Variants in GRIK3 observed in about 807,000 individuals in gnomAD.
The protein encoded by GRIK3 is glutamate ionotropic receptor kainate type subunit 3, also known as glutamate receptor ionotropic, kainate 3.
GRIK3 carries 29 observed loss-of-function variants against 102.5 expected under a neutral mutation model. That is an observed-to-expected ratio of 0.28 (90% CI 0.21 to 0.39). The LOEUF is 0.39. GRIK3 is among the 10% of genes least tolerant of loss of function. The pLI is 1.00. For missense variants in GRIK3, 908 were observed against 1,252.4 expected (o/e 0.73, Z 4.15); for synonymous variants, 511 against 504.9 (o/e 1.01, Z -0.16).
At chr1:36,953,199 C>A (rs1391955568) in intron 1 of GRIK3, among the ~76,000 whole-genome samples, 2 of 152,224 alleles carry the variant, frequency 1.3e-5, no homozygotes, top group Admixed American at 6.5e-5. Context: ...CCTCCCCCTG[C>A]CCCTGCCTCA....
At position 36,801,879 on chromosome 1, in the gene GRIK3, C is replaced by T; in HGVS notation, c.2732G>A (p.Ser911Asn). ...GGGGAACACAGGGGCTAAGGATGTG[C>T]TGCAGGCCATGCTGTCCTTGCCGGG... is the stretch of plus-strand genomic sequence containing the variant. ...RLPGKDSMAC[S>N]TSLAPVFP The change falls in exon 16 of 16, where the codon AGC becomes AAC. Residue 911 changes from serine (S) to asparagine (N), a missense_variant. By Grantham distance (46) the Ser-to-Asn change is conservative. Coordinates refer to ENST00000373091, the MANE Select transcript of GRIK3 (RefSeq NM_000831.4). 2 of 1,611,216 alleles carry T rather than the reference C, an allele frequency of 1.2e-6. No individual in the cohort carries two copies. Among genetic ancestry groups the T allele is most frequent in the Non-Finnish European group, 1.7e-6 (2 of 1,178,540 alleles).
chr1:37,026,649 T>C (rs542779914), intron 1 of GRIK3, among the ~76,000 whole-genome samples: 1 of 152,286 alleles, frequency 6.6e-6, no homozygotes, highest in South Asian at 2.1e-4. Flanking sequence ...AGGTCAACAA[T>C]AGCTGCACGT....
chr1:36,926,389 G>T (rs954143791), intron 1 of GRIK3, among the ~76,000 whole-genome samples: 2 of 149,818 alleles, frequency 1.3e-5, no homozygotes, highest in South Asian at 4.3e-4. Context: ...TCCCCTCTAC[G>T]CCCCACTTTT....
At chr1:37,024,151 C>G (rs1220439016) in intron 1 of GRIK3, among the ~76,000 whole-genome samples, 1 of 152,190 alleles carries the variant, frequency 6.6e-6, no homozygotes, top group African/African-American at 2.4e-5. Flanking sequence ...AAGCTGAGAT[C>G]TGAGGAGGTG....
At chr1:36,835,698 G>A (rs1466369768) in intron 10 of GRIK3, among the ~76,000 whole-genome samples, 1 of 152,172 alleles carries the variant, frequency 6.6e-6, no homozygotes, top group African/African-American at 2.4e-5. Context: ...CCTCAGCAGG[G>A]GAGCTTGCAT....
chr1:36,903,827 T>G (rs1466452752), intron 1 of GRIK3, among the ~76,000 whole-genome samples: 2 of 152,128 alleles, frequency 1.3e-5, no homozygotes, highest in Non-Finnish European at 2.9e-5. Flanking sequence ...GAGAGATGCA[T>G]TGGTAAAAAC....
At chr1:36,812,643 A>G (rs940752524) in intron 13 of GRIK3, among the ~76,000 whole-genome samples, 9 of 152,190 alleles carry the variant, frequency 5.9e-5, no homozygotes, top group African/African-American at 2.2e-4. Context: ...TTCCTCTGGA[A>G]TGATGGGTCT....
chr1:36,885,990 C>T (rs1157262412), intron 2 of GRIK3, among the ~76,000 whole-genome samples: 1 of 152,142 alleles, frequency 6.6e-6, no homozygotes, highest in Non-Finnish European at 1.5e-5. Flanking sequence ...AATTGAGCAG[C>T]CCAGAGAATA....
chr1:36,983,180 G>T (rs181848437), intron 1 of GRIK3, among the ~76,000 whole-genome samples: 1 of 152,112 alleles, frequency 6.6e-6, no homozygotes, highest in Non-Finnish European at 1.5e-5. Context: ...AGGACTGCCT[G>T]TGCTACTGGA....
At chr1:37,017,112 C>T (rs998325653) in intron 1 of GRIK3, among the ~76,000 whole-genome samples, 1 of 151,162 alleles carries the variant, frequency 6.6e-6, no homozygotes, top group East Asian at 1.9e-4. Context: ...CTACTTGGGA[C>T]AGCTGAGGGG....
intron 1 of GRIK3, among the ~76,000 whole-genome samples, chr1:36,948,194 A>G (rs1641805745): frequency 6.6e-6 from 1 of 152,208 alleles, no homozygotes; most frequent in Non-Finnish European, 1.5e-5. Flanking sequence ...CAGTGAAGAG[A>G]GAAGGAAAAC....
At chr1:37,022,664 T>C (rs1642727217) in intron 1 of GRIK3, among the ~76,000 whole-genome samples, 1 of 152,206 alleles carries the variant, frequency 6.6e-6, no homozygotes, top group African/African-American at 2.4e-5. Context: ...TCTAACAACA[T>C]CCTTCATAAA....
chr1:36,914,063 G>A (rs1420249790), intron 1 of GRIK3, among the ~76,000 whole-genome samples: 1 of 152,230 alleles, frequency 6.6e-6, no homozygotes, highest in African/African-American at 2.4e-5. Context: ...TTACCAGGGA[G>A]GTCCCACACT....
In GRIK3 at chr1:36,949,574, C is replaced by CTTTTTTTTTTT. The variant is rs60157852; in HGVS notation, c.116-58489_116-58479dup. Among the ~76,000 whole-genome samples the CTTTTTTTTTTT allele has an allele frequency of 8.7e-4, 87 of 99,676 alleles. 1 individual carries two copies. Among genetic ancestry groups the CTTTTTTTTTTT allele is most frequent in the African/African-American group, 2.0e-3 (50 of 25,428 alleles). The allele number at this position is 99,676 out of a possible 152,430, so 65.4% of individuals were successfully genotyped here. A position where few individuals can be genotyped will look rare whatever the true frequency, so the allele number is the denominator to read the frequency against. ...TTTTTTTCTTTCTCTCTCTCTCTTT[C>CTTTTTTTTTTT]TTTTTTTTTTTTTTTTTTTTTTTGA... On this transcript the variant is annotated intron_variant, in intron 1 of 15. Coordinates refer to ENST00000373091, the MANE Select transcript of GRIK3 (RefSeq NM_000831.4).
At chr1:36,919,731 C>A (rs1374112133) in intron 1 of GRIK3, among the ~76,000 whole-genome samples, 1 of 152,256 alleles carries the variant, frequency 6.6e-6, no homozygotes, top group Non-Finnish European at 1.5e-5. Context: ...GGTGATGGCA[C>A]CTCCACTGTG....
chr1:36,885,792 T>A (rs1641031090), intron 2 of GRIK3, among the ~76,000 whole-genome samples: 1 of 152,196 alleles, frequency 6.6e-6, no homozygotes, highest in Non-Finnish European at 1.5e-5. Flanking sequence ...CTGGCAGCCC[T>A]GATCACACTG....
At chr1:36,926,562 TG>T (rs2124309305) in intron 1 of GRIK3, among the ~76,000 whole-genome samples, 1 of 152,248 alleles carries the variant, frequency 6.6e-6, no homozygotes, top group Admixed American at 6.5e-5. Flanking sequence ...GGCTAATTTT[TG>T]TATTTTTAGT....
At chr1:36,876,828 T>C (rs942313576) in intron 3 of GRIK3, among the ~76,000 whole-genome samples, 1 of 152,262 alleles carries the variant, frequency 6.6e-6, no homozygotes, top group African/African-American at 2.4e-5. Context: ...CATTGTCTTC[T>C]TGATCAAACT....
chr1:36,872,977 C>T lies in GRIK3; in HGVS notation c.551-608G>A, dbSNP rs775000704. Among the ~76,000 whole-genome samples the T allele has an allele frequency of 3.9e-5, 6 of 152,234 alleles. No individual in the cohort carries two copies. The highest frequency in any genetic ancestry group is 6.5e-5 in the Admixed American group (1 of 15,284). On this transcript the variant is annotated intron_variant, in intron 3 of 15. Coordinates refer to ENST00000373091, the MANE Select transcript of GRIK3 (RefSeq NM_000831.4). This position sits in a 1 kb window ranked among gnomAD's most constrained non-coding sequence, Gnocchi z 5.9. ...TCTCCGCCCTCGTCCTCACTAAGGG[C>T]AGTCTGCCTTGGTAAACCTTACCCA...
Sources: gnomAD v4.1 joint callset for allele counts (sites outside exome capture counted in the v4.1 genomes callset) on GRCh38, gnomAD v4.1.1 for gene constraint, Gnocchi (gnomAD v3.1) non-coding constraint, MANE v1.5 for transcripts, NCBI Gene and HGNC (gene_info 2026-07-23, HGNC 2026-07-21) for gene names.